The following GRM7 variants were observed in gnomAD, a reference collection of about 807,000 sequenced individuals.
GRM7 encodes glutamate metabotropic receptor 7, also known as metabotropic glutamate receptor 7.
GRM7 carries 35 observed loss-of-function variants against 84.5 expected under a neutral mutation model. The observed-to-expected ratio is 0.41, with a 90% CI of 0.32 to 0.55. The LOEUF is 0.55. Ranked by LOEUF, GRM7 falls within the 20% of genes least tolerant of loss-of-function variation. GRM7 has a pLI of 0.19. For missense variants in GRM7, 1,003 were observed against 1,194.6 expected, an observed-to-expected ratio of 0.84 and a Z score of 2.36; for synonymous variants, 487 against 455.1, an observed-to-expected ratio of 1.07 and a Z score of -0.89.
chr3:7,365,945 G>A (rs1289337632), intron 4 of GRM7, among the ~76,000 whole-genome samples: 2 of 151,228 alleles, frequency 1.3e-5, no homozygotes, highest in African/African-American at 4.8e-5. Context: ...ACATTCTGGG[G>A]CCAGCTTTAT....
chr3:7,048,561 A>T (rs1006709535), intron 1 of GRM7, among the ~76,000 whole-genome samples: 7 of 151,958 alleles, frequency 4.6e-5, no homozygotes, highest in Non-Finnish European at 8.8e-5. Flanking sequence ...AGCTTTAGAA[A>T]GACAAGCTTT....
At chr3:7,015,825 G>C (rs1695544203) in intron 1 of GRM7, among the ~76,000 whole-genome samples, 1 of 152,186 alleles carries the variant, frequency 6.6e-6, no homozygotes, top group Non-Finnish European at 1.5e-5. Flanking sequence ...GTAAGAGAGA[G>C]CAAGAAGGAG....
At chr3:7,271,040 C>T (rs1698833734) in intron 2 of GRM7, among the ~76,000 whole-genome samples, 1 of 152,092 alleles carries the variant, frequency 6.6e-6, no homozygotes, top group Non-Finnish European at 1.5e-5. Flanking sequence ...CTTGAAACTT[C>T]TAAGACGACA....
Position 7,487,262 on chromosome 3 carries a change from A to G in GRM7, c.1515+25540A>G, listed in dbSNP as rs138006869. 9.2e-4 allele frequency among the ~76,000 whole-genome samples: 140 copies of G among 152,324 alleles called. 1 individual carries two copies. The highest frequency in any genetic ancestry group is 3.1e-3 in the African/African-American group (129 of 41,584). On this transcript the variant is annotated intron_variant, in intron 7 of 9. Transcript: ENST00000357716. ...AATTTAAAGACAAAGTTTATAATTA[A>G]AAGGAAAGCAGAGTCTGAAAATTTG...
intron 1 of GRM7, among the ~76,000 whole-genome samples, chr3:6,869,201 C>T (rs1029399698): frequency 7.9e-5 from 12 of 152,070 alleles, no homozygotes; most frequent in African/African-American, 2.4e-4. Context: ...TGGAGCAAGA[C>T]AGGCCTGGAT....
chr3:6,947,096 A>T, intron 1 of GRM7, among the ~76,000 whole-genome samples: 1 of 152,156 alleles, frequency 6.6e-6, no homozygotes, highest in Non-Finnish European at 1.5e-5. Flanking sequence ...TATGTTGAAT[A>T]CGAGTGGTGA....
chr3:6,930,528 T>C (rs1412692892), intron 1 of GRM7, among the ~76,000 whole-genome samples: 1 of 152,226 alleles, frequency 6.6e-6, no homozygotes, highest in East Asian at 1.9e-4. Context: ...GTTTGATTTT[T>C]TTAATCTTAA....
At chr3:7,594,355 G>GTTA (rs1204635912) in intron 8 of GRM7, among the ~76,000 whole-genome samples, 2 of 152,106 alleles carry the variant, frequency 1.3e-5, no homozygotes, top group Non-Finnish European at 2.9e-5. Context: ...ATTCACATAG[G>GTTA]TTATAAGAAT....
chr3:7,265,425 G>A (rs993599310), intron 2 of GRM7, among the ~76,000 whole-genome samples: 4 of 152,154 alleles, frequency 2.6e-5, no homozygotes, highest in Admixed American at 2.6e-4. Context: ...TCTTGCCCCT[G>A]AGTGGCAGTG....
At chr3:7,393,547 T>C (rs892239796) in intron 4 of GRM7, among the ~76,000 whole-genome samples, 40 of 152,320 alleles carry the variant, frequency 2.6e-4, no homozygotes, top group African/African-American at 8.2e-4. Context: ...TTCCTGTCTT[T>C]TCTCTGGTGA....
intron 4 of GRM7, among the ~76,000 whole-genome samples, chr3:7,413,867 G>A (rs555904064): frequency 6.6e-6 from 1 of 152,176 alleles, no homozygotes; most frequent in South Asian, 2.1e-4. Flanking sequence ...CTCAGATACT[G>A]CCTACCTCAA....
intron 8 of GRM7, among the ~76,000 whole-genome samples, chr3:7,594,976 T>C (rs986257417): frequency 6.6e-6 from 1 of 152,084 alleles, no homozygotes; most frequent in African/African-American, 2.4e-5. Context: ...ACATGTGTAT[T>C]TCTGAGGCAA....
intron 8 of GRM7, among the ~76,000 whole-genome samples, chr3:7,605,963 T>C (rs1696544685): frequency 6.6e-6 from 1 of 152,206 alleles, no homozygotes; most frequent in Non-Finnish European, 1.5e-5. Context: ...ATCGGCCTTA[T>C]TATTTGGCTG....
At chr3:7,088,852 T>G (rs1358850820) in intron 1 of GRM7, among the ~76,000 whole-genome samples, 1 of 151,394 alleles carries the variant, frequency 6.6e-6, no homozygotes, top group Non-Finnish European at 1.5e-5. Context: ...AAGAATTTAG[T>G]TAGAACTTTT....
intron 8 of GRM7, among the ~76,000 whole-genome samples, chr3:7,666,750 T>C (rs1699716925): frequency 1.3e-5 from 2 of 152,144 alleles, no homozygotes; most frequent in Admixed American, 6.5e-5. Flanking sequence ...ATTAATTTTA[T>C]TATTATTACT....
chr3:7,229,559 C>T lies in GRM7; in HGVS notation c.737-69125C>T, dbSNP rs184070542. The stretch of plus-strand genomic sequence containing the variant: ...TTTTCCATTATTTGTTTAGAAGGCT[C>T]AACAGGAGTTTGCAAACACTGAGCC... On this transcript the variant is annotated intron_variant, in intron 2 of 9. Coordinates refer to ENST00000357716, the MANE Select transcript of GRM7 (RefSeq NM_000844.4). Among the ~76,000 whole-genome samples the T allele has an allele frequency of 4.1e-3, 622 of 150,722 alleles. 4 individuals carry two copies. The highest frequency in any genetic ancestry group is 7.1e-3 in the Non-Finnish European group (479 of 67,682).
chr3:7,264,148 G>C (rs1698545251), intron 2 of GRM7, among the ~76,000 whole-genome samples: 1 of 152,090 alleles, frequency 6.6e-6, no homozygotes. Context: ...AGCCAGGCTG[G>C]GATCCTGGAA....
chr3:7,335,605 A>G (rs2125071386), intron 4 of GRM7, among the ~76,000 whole-genome samples: 1 of 152,086 alleles, frequency 6.6e-6, no homozygotes, highest in East Asian at 1.9e-4. Context: ...CAAAAGATAA[A>G]TGAAACAAAA....
chr3:6,930,182 T>C (rs994601545), intron 1 of GRM7, among the ~76,000 whole-genome samples: 1 of 152,160 alleles, frequency 6.6e-6, no homozygotes, highest in Non-Finnish European at 1.5e-5. Flanking sequence ...TAGGTGGAAA[T>C]AGGGTCAGTC....
Sources: allele counts gnomAD v4.1 joint callset (sites outside exome capture counted in the v4.1 genomes callset), GRCh38; gene constraint gnomAD v4.1.1; transcripts MANE v1.5; gene names NCBI Gene and HGNC (gene_info 2026-07-23, HGNC 2026-07-21).